The following GRIK1 variants were observed in gnomAD, a reference collection of about 807,000 sequenced individuals.
GRIK1 encodes glutamate receptor ionotropic, kainate 1.
GRIK1 carries 69 observed loss-of-function variants against 105.7 expected under a neutral mutation model. The ratio of observed to expected loss-of-function variants is 0.65; its 90% CI spans 0.54 to 0.80. The LOEUF (loss-of-function observed/expected upper bound fraction) is 0.80. Ranked by LOEUF, GRIK1 falls within the 30% of genes least tolerant of loss-of-function variation. The probability of loss-of-function intolerance (pLI) is 0.00; values close to 1 mark genes in which losing one functional copy is unlikely to be tolerated. For missense variants in GRIK1, 1,109 were observed against 1,167.3 expected (o/e 0.95, Z 0.73); for synonymous variants, 438 against 431.3 (o/e 1.02, Z -0.19).
chr21:29,735,877 A>G (rs955548428), intron 1 of GRIK1, among the ~76,000 whole-genome samples: 9 of 150,830 alleles, frequency 6.0e-5, no homozygotes, highest in African/African-American at 2.2e-4. Flanking sequence ...TTGAAAACAT[A>G]TTTGAAGAGA....
chr21:29,689,591 A>C, intron 3 of GRIK1, 137 bp downstream of exon 3: 1 of 731,122 alleles, frequency 1.4e-6, no homozygotes, highest in Non-Finnish European at 2.4e-6. Context: ...TTATTAAATT[A>C]CTTCAGAATA....
At chr21:29,922,992 G>A (rs2071239400) in intron 1 of GRIK1, among the ~76,000 whole-genome samples, 1 of 152,082 alleles carries the variant, frequency 6.6e-6, no homozygotes, top group Admixed American at 6.6e-5. Flanking sequence ...TATTTGACCC[G>A]AAAGGACTTG....
chr21:29,596,331 C>T, intron 9 of GRIK1, 195 bp downstream of exon 9: 1 of 705,376 alleles, frequency 1.4e-6, no homozygotes, highest in Non-Finnish European at 2.6e-6. Context: ...CCACTGCAAA[C>T]CTGTTTTCAA....
rs1160379045 is a variant in GRIK1, at chr21:29,587,422, C to G, written c.1737G>C (p.Trp579Cys). Reference sequence around the variant, plus strand: ...CCAAGCAGGCTAAGAGCACATACATCCAAATATCTGGAGACAGGGGGTTGA... The same window carrying G: ...CCAAGCAGGCTAAGAGCACATACATGCAAATATCTGGAGACAGGGGGTTGA... ...SFLNPLSPDIWMYVLLACLGV... is the reference protein window; with the variant it reads ...SFLNPLSPDICMYVLLACLGV... Residue 579 changes from tryptophan to cysteine, a missense_variant, in exon 12 of 18, where the codon TGG becomes TGC. By Grantham distance (215) the Trp-to-Cys change is radical (BLOSUM62 -2). This residue lies in a region of GRIK1 where 264 missense variants were observed against 306.9 expected (regional missense o/e 0.86). Coordinates refer to ENST00000327783, the MANE Select transcript of GRIK1 (RefSeq NM_001330994.2). 6.2e-7 allele frequency: 1 copy of G among 1,613,932 alleles called. No individual in the cohort carries two copies. The highest frequency in any genetic ancestry group is 2.2e-5 in the East Asian group (1 of 44,868).
At chr21:29,609,112 A>G (rs2061677379) in intron 7 of GRIK1, among the ~76,000 whole-genome samples, 1 of 143,082 alleles carries the variant, frequency 7.0e-6, no homozygotes. Context: ...ATAATAATAA[A>G]TAAGATAAAA....
intron 3 of GRIK1, among the ~76,000 whole-genome samples, chr21:29,687,243 A>G (rs988624807): frequency 6.6e-6 from 1 of 152,172 alleles, no homozygotes; most frequent in Admixed American, 6.5e-5. Flanking sequence ...ACTCCTAAAC[A>G]AATCCCAATA....
chr21:29,801,351 C>T (rs563687696), intron 1 of GRIK1, among the ~76,000 whole-genome samples: 1 of 151,864 alleles, frequency 6.6e-6, no homozygotes, highest in Non-Finnish European at 1.5e-5. Context: ...TTAGCTGACA[C>T]GGTCCAAAAA....
intron 1 of GRIK1, among the ~76,000 whole-genome samples, chr21:29,919,486 T>C (rs2071119939): frequency 6.6e-6 from 1 of 152,142 alleles, no homozygotes; most frequent in African/African-American, 2.4e-5. Flanking sequence ...GGGCGGTTCA[T>C]AAACACACAC....
At position 29,555,322 on chromosome 21, in the gene GRIK1, G is replaced by A. The variant is rs750044832; in HGVS notation, c.2357-20C>T. On this transcript the variant is annotated intron_variant, in intron 15 of 17. Transcript: ENST00000327783. Reference sequence around the variant, plus strand: ...GAGAACCTGGAAGTAAAACCATCTGGATATTGGTCACCAAAATGTTGAAGA... The same window carrying A: ...GAGAACCTGGAAGTAAAACCATCTGAATATTGGTCACCAAAATGTTGAAGA... 427 of 1,603,802 alleles carry A rather than the reference G, an allele frequency of 2.7e-4. No individual in the cohort carries two copies. Among genetic ancestry groups the A allele is most frequent in the Admixed American group, 3.9e-4 (23 of 59,352 alleles).
intron 1 of GRIK1, among the ~76,000 whole-genome samples, chr21:29,776,917 C>T (rs1313716909): frequency 6.6e-6 from 1 of 152,004 alleles, no homozygotes; most frequent in Non-Finnish European, 1.5e-5. Context: ...ACAGTTTTTA[C>T]CCTCATAAAC....
intron 4 of GRIK1, among the ~76,000 whole-genome samples, chr21:29,662,688 G>C (rs939891084): frequency 2.0e-5 from 3 of 152,134 alleles, no homozygotes; most frequent in African/African-American, 7.2e-5. Context: ...CTATTGCCCA[G>C]TAAAGTCTTC....
chr21:29,662,025 A>G (rs1305923251), intron 4 of GRIK1, among the ~76,000 whole-genome samples: 1 of 152,242 alleles, frequency 6.6e-6, no homozygotes, highest in East Asian at 1.9e-4. Flanking sequence ...AAAGCAAAAG[A>G]TATTCCACAA....
At chr21:29,828,223 G>A (rs1289492612) in intron 1 of GRIK1, among the ~76,000 whole-genome samples, 1 of 151,920 alleles carries the variant, frequency 6.6e-6, no homozygotes, top group African/African-American at 2.4e-5. Context: ...TTCAAGAGGA[G>A]GGCACTACAC....
intron 1 of GRIK1, among the ~76,000 whole-genome samples, chr21:29,732,051 A>G (rs2064641732): frequency 6.6e-6 from 1 of 152,224 alleles, no homozygotes; most frequent in South Asian, 2.1e-4. Flanking sequence ...TGGTGCAAAC[A>G]ATTGAAATCC....
intron 1 of GRIK1, among the ~76,000 whole-genome samples, chr21:29,734,926 G>A (rs2064749919): frequency 6.6e-6 from 1 of 152,136 alleles, no homozygotes; most frequent in Admixed American, 6.5e-5. Context: ...TGGCATGCAG[G>A]GACCTCCAAC....
chr21:29,687,183 T>A (rs543703938), intron 3 of GRIK1, among the ~76,000 whole-genome samples: 1 of 152,346 alleles, frequency 6.6e-6, no homozygotes, highest in South Asian at 2.1e-4. Context: ...ATGGGAGTAA[T>A]GGGCCATTTG....
chr21:29,559,248 A>G (rs1329305106), intron 15 of GRIK1, among the ~76,000 whole-genome samples: 1 of 152,180 alleles, frequency 6.6e-6, no homozygotes, highest in African/African-American at 2.4e-5. Flanking sequence ...TAAAATCAGC[A>G]GTGATGAGAT....
intron 1 of GRIK1, among the ~76,000 whole-genome samples, chr21:29,728,781 A>G (rs1187543933): frequency 1.3e-5 from 2 of 152,218 alleles, no homozygotes; most frequent in Non-Finnish European, 2.9e-5. Context: ...AGGGAAGATA[A>G]AACAATAAAC....
chr21:29,837,179 C>T (rs2067831385), intron 1 of GRIK1, among the ~76,000 whole-genome samples: 1 of 152,124 alleles, frequency 6.6e-6, no homozygotes. Flanking sequence ...TTTTCACACC[C>T]CTTATATTTT....
Sources: gnomAD v4.1 joint callset for allele counts (sites outside exome capture counted in the v4.1 genomes callset) on GRCh38, gnomAD v4.1.1 for gene constraint, gnomAD v4.1.1 regional missense constraint, MANE v1.5 for transcripts, NCBI Gene and HGNC (gene_info 2026-07-23, HGNC 2026-07-21) for gene names.